ATF7IP: variants seen among roughly 807,000 people sequenced by gnomAD.
ATF7IP encodes activating transcription factor 7-interacting protein 1.
Under a neutral mutation model 106.4 loss-of-function variants are expected in ATF7IP, and 23 were observed. The ratio of observed to expected loss-of-function variants is 0.22; its 90% CI spans 0.16 to 0.31. The LOEUF is 0.31. Among genes scored for constraint, ATF7IP ranks in the 10% least tolerant of loss-of-function variants. The pLI is 1.00. For synonymous variants in ATF7IP, 542 were observed against 539.0 expected (o/e 1.01, Z -0.08); for missense variants, 1,334 against 1,524.3 (o/e 0.88, Z 2.08).
At chr12:14,410,215 G>A (rs974847010) in intron 1 of ATF7IP, among the ~76,000 whole-genome samples, 9 of 152,086 alleles carry the variant, frequency 5.9e-5, no homozygotes, top group African/African-American at 2.2e-4. Flanking sequence ...GGTTTTAGCT[G>A]TCTGTAGTCA....
intron 1 of ATF7IP, among the ~76,000 whole-genome samples, chr12:14,405,191 G>C (rs962584370): frequency 1.3e-5 from 2 of 151,758 alleles, no homozygotes; most frequent in African/African-American, 4.8e-5. Flanking sequence ...TATCAAAAGT[G>C]TAAGTTTCTT....
chr12:14,487,508 TCAGA>T (rs1295141886), intron 13 of ATF7IP, among the ~76,000 whole-genome samples: 1 of 152,156 alleles, frequency 6.6e-6, no homozygotes, highest in Non-Finnish European at 1.5e-5. Flanking sequence ...CTTTATTTCC[TCAGA>T]CAAAGTTGGA....
At chr12:14,430,509 T>A (rs989140526) in intron 2 of ATF7IP, among the ~76,000 whole-genome samples, 1 of 152,220 alleles carries the variant, frequency 6.6e-6, no homozygotes, top group Non-Finnish European at 1.5e-5. Flanking sequence ...ATAAAACTAA[T>A]ACAAAATGTC....
chr12:14,429,395 T>C (rs1942016928), intron 2 of ATF7IP, among the ~76,000 whole-genome samples: 1 of 152,156 alleles, frequency 6.6e-6, no homozygotes, highest in South Asian at 2.1e-4. Flanking sequence ...GGGATAGGCC[T>C]CCTCCACGTG....
At chr12:14,377,693 A>G (rs1343729758) in intron 1 of ATF7IP, among the ~76,000 whole-genome samples, 1 of 151,100 alleles carries the variant, frequency 6.6e-6, no homozygotes, top group East Asian at 1.9e-4. Flanking sequence ...GGCTCACTCC[A>G]GTCTCTGCCT....
At chr12:14,473,288 C>CTGTGTGTGTGTGTGTG (rs796814505) in intron 10 of ATF7IP, among the ~76,000 whole-genome samples, 11 of 140,344 alleles carry the variant, frequency 7.8e-5, no homozygotes, top group African/African-American at 2.9e-4. Context: ...CTCTCTCTCT[C>CTGTGTGTGTGTGTGTG]TCTGTGTGTG....
chr12:14,453,850 C>T (rs546400351), intron 6 of ATF7IP, among the ~76,000 whole-genome samples: 37 of 152,238 alleles, frequency 2.4e-4, no homozygotes, highest in African/African-American at 7.0e-4. Context: ...CTCTTGAACT[C>T]CTGACCTCAG....
intron 2 of ATF7IP, among the ~76,000 whole-genome samples, chr12:14,430,699 T>C (rs1413443807): frequency 6.6e-6 from 1 of 152,202 alleles, no homozygotes; most frequent in Non-Finnish European, 1.5e-5. Context: ...CTTGTTTTGT[T>C]ACAAATATTT....
chr12:14,466,462 A>G (rs1943836736), intron 9 of ATF7IP, 64 bp from the exon 10 acceptor site: 4 of 1,311,542 alleles, frequency 3.0e-6, no homozygotes, highest in Admixed American at 2.0e-5. Context: ...ATTGTTTCAT[A>G]TAAAGCAACT....
chr12:14,432,570 T>C (rs1239580616), intron 2 of ATF7IP, among the ~76,000 whole-genome samples: 1 of 152,188 alleles, frequency 6.6e-6, no homozygotes, highest in African/African-American at 2.4e-5. Flanking sequence ...TGTTAGCTTA[T>C]TGTTTATCTT....
chr12:14,458,887 T>C (rs941472366), intron 8 of ATF7IP, among the ~76,000 whole-genome samples: 1 of 152,192 alleles, frequency 6.6e-6, no homozygotes, highest in Non-Finnish European at 1.5e-5. Flanking sequence ...TATTATTCAT[T>C]GATCATTTGA....
chr12:14,435,368 A>T (rs1942357705), intron 3 of ATF7IP, among the ~76,000 whole-genome samples: 1 of 152,166 alleles, frequency 6.6e-6, no homozygotes, highest in African/African-American at 2.4e-5. Flanking sequence ...AGGCATATAG[A>T]TACAGACACA....
chr12:14,425,433 T>C lies in ATF7IP; in HGVS notation c.1518T>C (p.Asp506=), dbSNP rs776557060. 6.3e-7 allele frequency: 1 copy of C among 1,593,480 alleles called. No individual in the cohort carries two copies. Among genetic ancestry groups the C allele is most frequent in the Non-Finnish European group, 8.5e-7 (1 of 1,173,124 alleles). ...AAGAGGATATTTCGGGTGAAAAAGA[T>C]GAGTCTGAAGTTATATCGCAAAATG... The part of the protein sequence containing the change: ...SDEEDISGEK[D]ESEVISQNET... Residue 506 remains aspartate (D), a synonymous_variant, in exon 2 of 15, where the codon GAT becomes GAC. Transcript: ENST00000261168.
At chr12:14,418,345 C>T (rs1454802746) in intron 1 of ATF7IP, among the ~76,000 whole-genome samples, 1 of 152,092 alleles carries the variant, frequency 6.6e-6, no homozygotes. Flanking sequence ...TCATGTTTTG[C>T]AGTTACTTTT....
At position 14,497,967 on chromosome 12, in the gene ATF7IP, G is replaced by A. The variant is rs1451696781; in HGVS notation, c.3707G>A (p.Gly1236Asp). 1 of 1,614,064 alleles carries A rather than the reference G, an allele frequency of 6.2e-7. No individual in the cohort carries two copies. The highest frequency in any genetic ancestry group is 8.5e-7 in the Non-Finnish European group (1 of 1,180,022). Residue 1236 changes from glycine (G) to aspartate (D), a missense_variant, in exon 15 of 15, where the codon GGT becomes GAT. Physicochemically the swap from Gly to Asp is moderately conservative, Grantham distance 94. Transcript: ENST00000261168. Reference sequence around the variant, plus strand: ...TGTACTCTCACCCAGTTTGTATCTGGTAGCAAATACTACTTTGCAGTACGA... The same window carrying A: ...TGTACTCTCACCCAGTTTGTATCTGATAGCAAATACTACTTTGCAGTACGA... Reference protein sequence around the residue: ...MACTLTQFVSGSKYYFAVRAK... With the variant: ...MACTLTQFVSDSKYYFAVRAK...
chr12:14,496,233 G>A lies in ATF7IP; in HGVS notation c.3283G>A (p.Val1095Ile), dbSNP rs1945008644. ...AVRQVNPQNS[V>I]TVRVPQTTTY... ...GTAATTTTTTTGTTTGTTTGTAGGT[G>A]TTACAGTTCGAGTGCCTCAAACAAC... Residue 1095 changes from valine to isoleucine, a missense_variant and splice_region_variant, in exon 14 of 15, where the codon GTT (valine) becomes ATT (isoleucine). Transcript: ENST00000261168. 1 of 1,603,512 alleles carries A rather than the reference G, an allele frequency of 6.2e-7. No homozygotes were observed.
At chr12:14,435,183 T>C (rs1942346996) in intron 3 of ATF7IP, among the ~76,000 whole-genome samples, 1 of 151,604 alleles carries the variant, frequency 6.6e-6, no homozygotes, top group Non-Finnish European at 1.5e-5. Context: ...TTCTTTAGCT[T>C]TATGGGAAGG....
intron 14 of ATF7IP, among the ~76,000 whole-genome samples, chr12:14,496,760 A>G (rs1379011086): frequency 6.6e-6 from 1 of 152,252 alleles, no homozygotes; most frequent in African/African-American, 2.4e-5. Flanking sequence ...GGAATTCATT[A>G]GTTAAGAGGT....
chr12:14,406,576 A>C (rs192528513), intron 1 of ATF7IP, among the ~76,000 whole-genome samples: 85 of 151,548 alleles, frequency 5.6e-4, no homozygotes, highest in African/African-American at 1.8e-3. Flanking sequence ...TATCTGTTGC[A>C]TATGAATGTA....
Sources: allele counts gnomAD v4.1 joint callset (sites outside exome capture counted in the v4.1 genomes callset), GRCh38; gene constraint gnomAD v4.1.1; transcripts MANE v1.5; gene names NCBI Gene and HGNC (gene_info 2026-07-23, HGNC 2026-07-21).